MROH1: variants seen among roughly 807,000 people sequenced by gnomAD.
The protein encoded by MROH1 is maestro heat-like repeat-containing protein family member 1.
Under a neutral mutation model 116.5 loss-of-function variants are expected in MROH1, and 117 were observed. The observed-to-expected ratio is 1.00, with a 90% CI of 0.86 to 1.17. MROH1 has a LOEUF of 1.17. Among genes scored for constraint, MROH1 ranks in the 50% most tolerant of loss-of-function variants. MROH1 has a pLI of 0.00. For synonymous variants in MROH1, 921 were observed against 583.9 expected, an observed-to-expected ratio of 1.58 and a Z score of -8.32; for missense variants, 1,873 against 1,338.5, an observed-to-expected ratio of 1.40 and a Z score of -6.23.
chr8:144,193,712 G>A (rs1398626018), intron 10 of MROH1, among the ~76,000 whole-genome samples: 4 of 151,284 alleles, frequency 2.6e-5, no homozygotes, highest in Admixed American at 6.6e-5. Context: ...GGGTACAAGC[G>A]ATCTCCTGCC....
chr8:144,156,441 T>C (rs1018479189), intron 1 of MROH1, among the ~76,000 whole-genome samples: 2 of 151,872 alleles, frequency 1.3e-5, no homozygotes, highest in African/African-American at 4.8e-5. Flanking sequence ...GCACGGTGGC[T>C]CACACCTATA....
In MROH1 at chr8:144,191,866, G is replaced by T; in HGVS notation, c.855+11G>T. 1 of 1,612,970 alleles carries T rather than the reference G, an allele frequency of 6.2e-7. No individual in the cohort carries two copies. ...TTCTACTTGTCCAAGGTATCTGCAG[G>T]CAGGGCAGGTCTACTGTCCCCGAGG... On this transcript the variant is annotated intron_variant, in intron 9 of 43. Coordinates refer to ENST00000326134, the MANE Select transcript of MROH1 (RefSeq NM_032450.3).
chr8:144,213,300 C>T (rs775274104), intron 12 of MROH1: 7 of 519,580 alleles, frequency 1.3e-5, no homozygotes, highest in South Asian at 3.5e-5. Flanking sequence ...ACATGATCTT[C>T]GACCTCATGC....
At chr8:144,237,945 C>A (rs1024688506) in intron 14 of MROH1, among the ~76,000 whole-genome samples, 1 of 152,192 alleles carries the variant, frequency 6.6e-6, no homozygotes, top group African/African-American at 2.4e-5. Flanking sequence ...GCAAATGATT[C>A]TTTTATGATC....
At chr8:144,225,676 T>C (rs7003402) in intron 14 of MROH1, among the ~76,000 whole-genome samples, 10,712 of 151,516 alleles carry the variant, frequency 0.071, 1,305 homozygotes, top group African/African-American at 0.25. Flanking sequence ...CTCAGTCTCC[T>C]GAGTAGCTGG....
chr8:144,238,894 G>T, intron 15 of MROH1, 31 bp downstream of exon 15: 1 of 770,346 alleles, frequency 1.3e-6, no homozygotes. Context: ...CCTGCCTGGC[G>T]ACAACAGAGC....
chr8:144,191,685 G>A (rs537251527), intron 8 of MROH1, 30 bp from the exon 9 acceptor site: 17 of 1,609,324 alleles, frequency 1.1e-5, no homozygotes, highest in South Asian at 4.4e-5. Context: ...ACTGAGCAGC[G>A]TAAGCTTCCC....
intron 12 of MROH1, among the ~76,000 whole-genome samples, chr8:144,219,491 C>T (rs1327481385): frequency 6.6e-6 from 1 of 152,150 alleles, no homozygotes; most frequent in Non-Finnish European, 1.5e-5. Flanking sequence ...TCCATACTTC[C>T]CAGTTCTGAG....
chr8:144,163,211 G>T lies in MROH1; in HGVS notation c.-56-560G>T, dbSNP rs1347657693. ...GTGGGAGACTCAGAGAACAGAGAAT[G>T]TGAGTGTTAGGATGCTGGCTGCCAT... On this transcript the variant is annotated intron_variant, in intron 2 of 43. Transcript: ENST00000326134. This position sits in a 1 kb window ranked among gnomAD's most constrained non-coding sequence, Gnocchi z 4.4. 2.6e-5 allele frequency among the ~76,000 whole-genome samples: 4 copies of T among 152,182 alleles called. No homozygotes were observed. Among genetic ancestry groups the T allele is most frequent in the Non-Finnish European group, 5.9e-5 (4 of 68,034 alleles).
chr8:144,249,339 T>G (rs1588482786), intron 32 of MROH1, among the ~76,000 whole-genome samples: 1 of 152,102 alleles, frequency 6.6e-6, no homozygotes. Flanking sequence ...AAAAGGCGGG[T>G]GAAAGCGCTC....
intron 7 of MROH1, among the ~76,000 whole-genome samples, chr8:144,190,233 A>G (rs769636693): frequency 1.4e-4 from 22 of 152,114 alleles, no homozygotes; most frequent in Non-Finnish European, 3.1e-4. Flanking sequence ...ACCCCATTTT[A>G]ACAGTCACAT....
At position 144,223,250 on chromosome 8, in the gene MROH1, C is replaced by T; in HGVS notation, c.1338+20C>T. On this transcript the variant is annotated intron_variant, in intron 14 of 43. Coordinates refer to ENST00000326134, the MANE Select transcript of MROH1 (RefSeq NM_032450.3). ...CAGGAGGTAAGGGGCTGCCACCTTG[C>T]CTGCCTCCTAGGCCCACGCTGCCCC... is the stretch of plus-strand genomic sequence containing the variant. 1 of 1,582,530 alleles carries T rather than the reference C, an allele frequency of 6.3e-7. No homozygotes were observed. Among genetic ancestry groups the T allele is most frequent in the South Asian group, 1.2e-5 (1 of 86,870 alleles).
chr8:144,261,213 A>G lies in MROH1; in HGVS notation c.4771A>G (p.Thr1591Ala). Reference protein sequence around the residue: ...ENVRAAAPLFTGFLVLHSEPR... With the variant: ...ENVRAAAPLFAGFLVLHSEPR... ...CGTCCGAGCTGCTGCACCCCTGTTC[A>G]CCGGTAAGCACCACCCCCTGCCCCA... The change falls in exon 42 of 44, where the codon ACC (threonine) becomes GCC (alanine). Residue 1591 changes from threonine to alanine, a missense_variant. Transcript: ENST00000326134. The G allele has an allele frequency of 2.6e-6, 2 of 763,854 alleles. No homozygotes were observed. The highest frequency in any genetic ancestry group is 2.4e-5 in the East Asian group (1 of 41,228). The allele number at this position is 763,854 out of a possible 1,614,324, so 47.3% of individuals were successfully genotyped here.
chr8:144,249,734 C>G (rs979619281), intron 32 of MROH1, among the ~76,000 whole-genome samples: 1 of 152,204 alleles, frequency 6.6e-6, no homozygotes, highest in Non-Finnish European at 1.5e-5. Flanking sequence ...CCGTCTCAGG[C>G]CCAGCTCCAT....
At chr8:144,194,674 A>G (rs557598928) in intron 10 of MROH1, among the ~76,000 whole-genome samples, 1 of 152,252 alleles carries the variant, frequency 6.6e-6, no homozygotes, top group East Asian at 1.9e-4. Flanking sequence ...GCACTTTGGG[A>G]GGCTGAGGAG....
At chr8:144,167,389 GTGGGGTGGAGTGGCCGGTTGT>G (rs1554781503) in intron 3 of MROH1, among the ~76,000 whole-genome samples, 3 of 126,226 alleles carry the variant, frequency 2.4e-5, no homozygotes, top group South Asian at 5.6e-4. Context: ...GTGGCCGGTT[GTGGGGTGGAGTGGCCGGTTGT>G]TGGGGTGGAG....
In MROH1 at chr8:144,260,362, TTTC is replaced by T; in HGVS notation, c.4372_4374del (p.Phe1458del). 2 of 722,454 alleles carry T rather than the reference TTTC, an allele frequency of 2.8e-6. No homozygotes were observed. Among genetic ancestry groups the T allele is most frequent in the Non-Finnish European group, 5.1e-6 (2 of 394,584 alleles). 44.8% of individuals were successfully genotyped at this position (722,454 alleles called of 1,614,324 possible). On this transcript the variant is annotated inframe_deletion, in exon 39 of 44. Coordinates refer to ENST00000326134, the MANE Select transcript of MROH1 (RefSeq NM_032450.3). ...TGCACGTGGCCATCCGCATCCGGCC[TTTC>T]TTCGACAGTGTAGGCTGGTTGGGGC...
At chr8:144,237,822 T>C (rs1232442423) in intron 14 of MROH1, among the ~76,000 whole-genome samples, 5 of 152,232 alleles carry the variant, frequency 3.3e-5, no homozygotes, top group Admixed American at 2.0e-4. Flanking sequence ...GGTGCATTTT[T>C]TCGCACAGGC....
intron 7 of MROH1, among the ~76,000 whole-genome samples, chr8:144,184,610 T>C (rs1005034019): frequency 6.6e-6 from 1 of 151,732 alleles, no homozygotes; most frequent in Non-Finnish European, 1.5e-5. Flanking sequence ...AGTAAGGAGG[T>C]GGGTGTGGCA....
Sources: gnomAD v4.1 joint callset for allele counts (sites outside exome capture counted in the v4.1 genomes callset) on GRCh38, gnomAD v4.1.1 for gene constraint, Gnocchi (gnomAD v3.1) non-coding constraint, MANE v1.5 for transcripts, NCBI Gene and HGNC (gene_info 2026-07-23, HGNC 2026-07-21) for gene names.